The following LRIG2 variants were observed in gnomAD, a reference collection of about 807,000 sequenced individuals.
The protein encoded by LRIG2 is leucine rich repeats and immunoglobulin like domains 2.
In LRIG2, 93 loss-of-function variants were observed where a neutral mutation model predicts 107.8. That is an observed-to-expected ratio of 0.86 (90% CI 0.73 to 1.03). LRIG2 has a LOEUF of 1.03. Ranked by LOEUF, LRIG2 falls within the 50% of genes least tolerant of loss-of-function variation. The probability of loss-of-function intolerance (pLI) is 0.00; values close to 1 mark genes in which losing one functional copy is unlikely to be tolerated. For synonymous variants in LRIG2, 471 were observed against 470.6 expected, an observed-to-expected ratio of 1.00 and a Z score of -0.01; for missense variants, 1,226 against 1,296.0, an observed-to-expected ratio of 0.95 and a Z score of 0.83.
At chr1:113,120,684 A>G (rs1044082258) in intron 17 of LRIG2, among the ~76,000 whole-genome samples, 14 of 142,126 alleles carry the variant, frequency 9.9e-5, no homozygotes, top group Non-Finnish European at 1.8e-4. Flanking sequence ...CTGATTTTCT[A>G]TTTTTAGTAG....
intron 2 of LRIG2, among the ~76,000 whole-genome samples, chr1:113,091,699 T>G (rs1405324383): frequency 4.6e-5 from 7 of 152,204 alleles, no homozygotes; most frequent in African/African-American, 1.7e-4. Context: ...GAAACTCTGT[T>G]GTATAACCTT....
At chr1:113,098,252 T>C (rs919256446) in intron 8 of LRIG2, among the ~76,000 whole-genome samples, 1 of 152,196 alleles carries the variant, frequency 6.6e-6, no homozygotes, top group Non-Finnish European at 1.5e-5. Flanking sequence ...TTGATATTAC[T>C]CTCTGTCAGC....
At chr1:113,082,441 A>G (rs1653330658) in intron 1 of LRIG2, among the ~76,000 whole-genome samples, 1 of 152,228 alleles carries the variant, frequency 6.6e-6, no homozygotes, top group Non-Finnish European at 1.5e-5. Flanking sequence ...TTTATAAAGA[A>G]AAGAAGTTTA....
chr1:113,083,721 A>C (rs1029705292), intron 1 of LRIG2, among the ~76,000 whole-genome samples: 15 of 151,052 alleles, frequency 9.9e-5, no homozygotes, highest in Non-Finnish European at 8.8e-5. Context: ...GGGTTATTAG[A>C]TGGATTTCTG....
rs1050777572 is a variant in LRIG2, at chr1:113,114,998, A to C, written c.2530+122A>C. The C allele has an allele frequency of 6.0e-6, 5 of 833,892 alleles. No individual in the cohort carries two copies. In the Admixed American group the frequency reaches 1.1e-4, roughly 19 times the overall value. The allele number at this position is 833,892 out of a possible 1,614,324, so 51.7% of individuals were successfully genotyped here. ...GTAGCACATGCCTGTACTCCCAGCT[A>C]CTCAGGAGGATGAGGTGGGAGGACT... On this transcript the variant is annotated intron_variant, in intron 15 of 17. Transcript: ENST00000361127.
intron 1 of LRIG2, among the ~76,000 whole-genome samples, chr1:113,090,753 G>A (rs1457781061): frequency 1.3e-4 from 20 of 151,682 alleles, no homozygotes; most frequent in Non-Finnish European, 2.5e-4. Context: ...CAGGAGAATG[G>A]CGTGAACCCG....
rs778908796 is a variant in LRIG2 at position 113,131,337 on chromosome 1, G to A, written c.*7236G>A. Reference sequence around the variant, plus strand: ...TTTTATACCAATATTTTACCCAAGTGTGTCATGGCCTTTTTTAATCATTTT... The same window carrying A: ...TTTTATACCAATATTTTACCCAAGTATGTCATGGCCTTTTTTAATCATTTT... On this transcript the variant is annotated 3_prime_UTR_variant, in exon 18 of 18. Coordinates refer to ENST00000361127, the MANE Select transcript of LRIG2 (RefSeq NM_014813.3). The A allele has an allele frequency of 1.3e-5, 2 of 152,184 alleles. No homozygotes were observed. Among genetic ancestry groups the A allele is most frequent in the African/African-American group, 2.4e-5 (1 of 41,450 alleles). The allele number at this position is 152,184 out of a possible 1,614,324, so 9.4% of individuals were successfully genotyped here. A position where few individuals can be genotyped will look rare whatever the true frequency, so the allele number is the denominator to read the frequency against.
intron 13 of LRIG2, among the ~76,000 whole-genome samples, chr1:113,111,736 G>A (rs74114116): frequency 0.031 from 4,738 of 152,100 alleles, 256 homozygotes; most frequent in African/African-American, 0.11. Context: ...TTTTGCTTCT[G>A]TGTTTTTTAA....
Position 113,126,291 on chromosome 1 carries a change from C to A in LRIG2, c.*2190C>A. The A allele has an allele frequency of 6.5e-6, 1 of 154,868 alleles. No homozygotes were observed. The highest frequency in any genetic ancestry group is 1.8e-4 in the East Asian group (1 of 5,636). The allele number at this position is 154,868 out of a possible 1,614,324, so 9.6% of individuals were successfully genotyped here. A position where few individuals can be genotyped will look rare whatever the true frequency, so the allele number is the denominator to read the frequency against. On this transcript the variant is annotated 3_prime_UTR_variant, in exon 18 of 18. Coordinates refer to ENST00000361127, the MANE Select transcript of LRIG2 (RefSeq NM_014813.3). Reference sequence around the variant, plus strand: ...ATCATGAAATATTTGTGAAATTTCTCACCATGAATTTGGAGGGAACCTACT... The same window carrying A: ...ATCATGAAATATTTGTGAAATTTCTAACCATGAATTTGGAGGGAACCTACT...
chr1:113,080,515 G>T (rs1275165651), intron 1 of LRIG2, among the ~76,000 whole-genome samples: 3 of 152,054 alleles, frequency 2.0e-5, no homozygotes. Context: ...GAGTAGCTGG[G>T]ACTACAGGCA....
Position 113,128,265 on chromosome 1 carries a change from C to T in LRIG2, c.*4164C>T, listed in dbSNP as rs1156519711. 1 of 152,162 alleles carries T rather than the reference C, an allele frequency of 6.6e-6. No homozygotes were observed. The highest frequency in any genetic ancestry group is 2.4e-5 in the African/African-American group (1 of 41,444). 9.4% of individuals were successfully genotyped at this position (152,162 alleles called of 1,614,324 possible). ...AGCCTCTGATCATTTTCACTTTGAA[C>T]TTCCTAAAGATCACAATTTCCTATC... On this transcript the variant is annotated 3_prime_UTR_variant, in exon 18 of 18. Transcript: ENST00000361127.
At chr1:113,090,797 C>A (rs1228402024) in intron 1 of LRIG2, among the ~76,000 whole-genome samples, 5 of 151,622 alleles carry the variant, frequency 3.3e-5, no homozygotes, top group Non-Finnish European at 7.4e-5. Flanking sequence ...GAGATTGCGC[C>A]ACTGTACTCC....
chr1:113,105,075 G>GGT (rs1291098811), intron 11 of LRIG2, among the ~76,000 whole-genome samples: 1 of 152,088 alleles, frequency 6.6e-6, no homozygotes, highest in Non-Finnish European at 1.5e-5. Context: ...GAACCTGGGA[G>GGT]GTGGAGGTTG....
intron 1 of LRIG2, among the ~76,000 whole-genome samples, chr1:113,082,230 C>T (rs529321637): frequency 6.6e-6 from 1 of 152,210 alleles, no homozygotes; most frequent in African/African-American, 2.4e-5. Context: ...CAAATGTGAG[C>T]CTTTAAAATC....
At chr1:113,102,733 A>T (rs1391455711) in intron 11 of LRIG2, among the ~76,000 whole-genome samples, 1 of 152,128 alleles carries the variant, frequency 6.6e-6, no homozygotes, top group Non-Finnish European at 1.5e-5. Context: ...ATCATAATAG[A>T]CCATGAGGAA....
At chr1:113,113,548 A>G (rs1053334999) in intron 14 of LRIG2, among the ~76,000 whole-genome samples, 1 of 147,606 alleles carries the variant, frequency 6.8e-6, no homozygotes, top group Admixed American at 6.8e-5. Context: ...TTATTTATTT[A>G]TTTATTTATT....
chr1:113,089,523 C>T lies in LRIG2; in HGVS notation c.240-1795C>T, dbSNP rs551699761. Among the ~76,000 whole-genome samples the T allele has an allele frequency of 6.6e-5, 10 of 152,090 alleles. No homozygotes were observed. In the East Asian group the frequency reaches 1.9e-3, roughly 29 times the overall value. ...AGGAAAGTATTTTAAAAGTATTTGC[C>T]TCATAAGATTGTTGTGTGGATTTAG... On this transcript the variant is annotated intron_variant, in intron 1 of 17. Transcript: ENST00000361127.
intron 1 of LRIG2, among the ~76,000 whole-genome samples, chr1:113,086,025 T>G (rs1358825600): frequency 2.9e-5 from 3 of 104,280 alleles, no homozygotes; most frequent in African/African-American, 1.1e-4. Flanking sequence ...TTTTTTTTTT[T>G]GAGATAGTTT....
rs749853833 is a variant in LRIG2 at position 113,073,428 on chromosome 1, G to T, written c.22G>T (p.Val8Phe). 9 of 1,614,040 alleles carry T rather than the reference G, an allele frequency of 5.6e-6. No individual in the cohort carries two copies. Among genetic ancestry groups the T allele is most frequent in the South Asian group, 1.1e-5 (1 of 91,074 alleles). The change falls in exon 1 of 18, where the codon GTC becomes TTC. Residue 8 changes from valine to phenylalanine, a missense_variant. This residue lies in a region of LRIG2 where 570 missense variants were observed against 550.2 expected (regional missense o/e 1.04). Coordinates refer to ENST00000361127, the MANE Select transcript of LRIG2 (RefSeq NM_014813.3). MAPAPLG[V>F]PEEQLLGCRS... is the part of the protein sequence containing the mutation. ...GAAAATGGCGCCGGCGCCCCTAGGC[G>T]TCCCGGAGGAGCAGTTGCTGGGGTG...
Sources: gnomAD v4.1 joint callset for allele counts (sites outside exome capture counted in the v4.1 genomes callset) on GRCh38, gnomAD v4.1.1 for gene constraint, gnomAD v4.1.1 regional missense constraint, MANE v1.5 for transcripts, NCBI Gene and HGNC (gene_info 2026-07-23, HGNC 2026-07-21) for gene names.